The following PTPRD variants were observed in gnomAD, a reference collection of about 807,000 sequenced individuals.
The protein encoded by PTPRD is receptor-type tyrosine-protein phosphatase delta.
PTPRD carries 34 observed loss-of-function variants against 214.5 expected under a neutral mutation model. That is an observed-to-expected ratio of 0.16 (90% CI 0.12 to 0.21). The LOEUF (loss-of-function observed/expected upper bound fraction) is 0.21, where lower values mean the gene tolerates loss of function less well. PTPRD is among the 10% of genes least tolerant of loss of function. PTPRD has a pLI of 1.00. For synonymous variants in PTPRD, 1,128 were observed against 845.7 expected, an observed-to-expected ratio of 1.33 and a Z score of -5.79; for missense variants, 2,545 against 2,398.7, an observed-to-expected ratio of 1.06 and a Z score of -1.27.
intron 8 of PTPRD, among the ~76,000 whole-genome samples, chr9:9,536,851 C>G (rs2076615150): frequency 6.6e-6 from 1 of 152,046 alleles, no homozygotes; most frequent in Non-Finnish European, 1.5e-5. Context: ...TCAATTAAAA[C>G]TTTCTTGTCG....
chr9:9,465,255 A>C (rs2094039973), intron 8 of PTPRD, among the ~76,000 whole-genome samples: 1 of 152,224 alleles, frequency 6.6e-6, no homozygotes. Flanking sequence ...CTCTTCCAAT[A>C]AAACAAAAGC....
At chr9:8,492,585 G>C (rs769779867) in intron 27 of PTPRD, among the ~76,000 whole-genome samples, 8 of 146,002 alleles carry the variant, frequency 5.5e-5, no homozygotes, top group Non-Finnish European at 1.0e-4. Context: ...CCCAGTGCTG[G>C]TAACAGTGCC....
At chr9:9,648,521 A>G (rs1307410109) in intron 7 of PTPRD, among the ~76,000 whole-genome samples, 2 of 152,212 alleles carry the variant, frequency 1.3e-5, no homozygotes, top group African/African-American at 4.8e-5. Flanking sequence ...TCAGACATTG[A>G]TGCTGGAGAG....
At chr9:9,925,471 G>T (rs538289080) in intron 5 of PTPRD, among the ~76,000 whole-genome samples, 1 of 152,102 alleles carries the variant, frequency 6.6e-6, no homozygotes, top group African/African-American at 2.4e-5. Context: ...AATCTTTGAA[G>T]AGTGATTTAT....
At chr9:10,512,033 T>C (rs1209044228) in intron 2 of PTPRD, among the ~76,000 whole-genome samples, 222 of 11,392 alleles carry the variant, frequency 0.019, 1 homozygote, top group African/African-American at 0.1. Flanking sequence ...TATATATGTA[T>C]ATATATATAT....
intron 2 of PTPRD, among the ~76,000 whole-genome samples, chr9:10,566,536 G>A (rs980639035): frequency 6.6e-6 from 1 of 151,958 alleles, no homozygotes; most frequent in Non-Finnish European, 1.5e-5. Flanking sequence ...AAATGCCTAA[G>A]GTGGTTGTTT....
chr9:8,870,192 A>T (rs975322591), intron 11 of PTPRD, among the ~76,000 whole-genome samples: 1 of 152,090 alleles, frequency 6.6e-6, no homozygotes, highest in Non-Finnish European at 1.5e-5. Flanking sequence ...CTGCCCTTTA[A>T]ATTATATTAG....
At chr9:8,848,706 A>G (rs2097756662) in intron 11 of PTPRD, among the ~76,000 whole-genome samples, 5 of 152,056 alleles carry the variant, frequency 3.3e-5, no homozygotes, top group Admixed American at 1.3e-4. Context: ...CATGTCATAT[A>G]CAAGAGTGAG....
chr9:10,487,585 C>T (rs756171705), intron 2 of PTPRD, among the ~76,000 whole-genome samples: 5 of 151,630 alleles, frequency 3.3e-5, no homozygotes, highest in Non-Finnish European at 5.9e-5. Flanking sequence ...AAAAAGCAAA[C>T]GAATATAGAC....
chr9:9,922,047 A>C (rs1220463341), intron 5 of PTPRD, among the ~76,000 whole-genome samples: 2 of 152,124 alleles, frequency 1.3e-5, no homozygotes, highest in Non-Finnish European at 2.9e-5. Flanking sequence ...GAAATGATTC[A>C]TATAGCAGGG....
intron 37 of PTPRD, among the ~76,000 whole-genome samples, chr9:8,381,892 A>G (rs2085207363): frequency 6.6e-6 from 1 of 152,178 alleles, no homozygotes; most frequent in South Asian, 2.1e-4. Context: ...CTTTGTCCTA[A>G]CCAGAGCAGA....
At chr9:9,392,932 C>A (rs2066395666) in intron 9 of PTPRD, among the ~76,000 whole-genome samples, 1 of 152,146 alleles carries the variant, frequency 6.6e-6, no homozygotes, top group African/African-American at 2.4e-5. Flanking sequence ...TCTGACCAAC[C>A]TGCACACTGG....
At chr9:10,155,278 AT>A (rs1022944952) in intron 3 of PTPRD, among the ~76,000 whole-genome samples, 23 of 151,300 alleles carry the variant, frequency 1.5e-4, no homozygotes, top group South Asian at 1.5e-3. Context: ...AATGCTGGTG[AT>A]TTTTTTTTAT....
rs550888145 is a variant in PTPRD, at chr9:10,448,905, A to T, written c.-599-107888T>A. Among the ~76,000 whole-genome samples the T allele has an allele frequency of 3.3e-5, 5 of 152,192 alleles. 1 individual carries two copies. The highest frequency in any genetic ancestry group is 1.2e-4 in the African/African-American group (5 of 41,430). On this transcript the variant is annotated intron_variant, in intron 2 of 45. Coordinates refer to ENST00000381196, the MANE Select transcript of PTPRD (RefSeq NM_002839.4). Reference sequence around the variant, plus strand: ...ATATTTCATGCTTTTTCAAATTTAGAGTCTTTGCAAATACTTCATTAACTT... The same window carrying T: ...ATATTTCATGCTTTTTCAAATTTAGTGTCTTTGCAAATACTTCATTAACTT...
At chr9:10,077,573 G>T (rs2098153821) in intron 3 of PTPRD, among the ~76,000 whole-genome samples, 1 of 152,066 alleles carries the variant, frequency 6.6e-6, no homozygotes, top group Non-Finnish European at 1.5e-5. Context: ...GGGGTTTGGT[G>T]TACAGATTAT....
At chr9:9,934,361 C>G (rs936371874) in intron 5 of PTPRD, among the ~76,000 whole-genome samples, 1 of 149,342 alleles carries the variant, frequency 6.7e-6, no homozygotes, top group African/African-American at 2.5e-5. Context: ...AGAGAAGAAT[C>G]AAATAGATGC....
chr9:9,260,402 C>A (rs1323249434), intron 9 of PTPRD, among the ~76,000 whole-genome samples: 2 of 151,876 alleles, frequency 1.3e-5, no homozygotes, highest in African/African-American at 4.8e-5. Flanking sequence ...ATTTCTACCT[C>A]TGGGAAACAA....
At chr9:9,461,157 T>G (rs567737501) in intron 8 of PTPRD, among the ~76,000 whole-genome samples, 1 of 151,252 alleles carries the variant, frequency 6.6e-6, no homozygotes, top group South Asian at 2.1e-4. Context: ...TAATAGACAC[T>G]GGGGGATCTA....
At chr9:10,136,244 C>A (rs920923192) in intron 3 of PTPRD, among the ~76,000 whole-genome samples, 1 of 152,050 alleles carries the variant, frequency 6.6e-6, no homozygotes, top group Non-Finnish European at 1.5e-5. Flanking sequence ...ACAAGTACTT[C>A]TTGGACTGCA....
Sources: allele counts gnomAD v4.1 joint callset (sites outside exome capture counted in the v4.1 genomes callset), GRCh38; gene constraint gnomAD v4.1.1; transcripts MANE v1.5; gene names NCBI Gene and HGNC (gene_info 2026-07-23, HGNC 2026-07-21).